The following PANK1 variants were observed in gnomAD, a reference collection of about 807,000 sequenced individuals.
PANK1 encodes pantothenate kinase 1, also known as pantothenic acid kinase 1.
A neutral mutation model predicts 40.1 loss-of-function variants in PANK1; 18 were observed. That is an observed-to-expected ratio of 0.45 (90% CI 0.31 to 0.67). The LOEUF is 0.67. Among genes scored for constraint, PANK1 ranks in the 30% least tolerant of loss-of-function variants. The probability of loss-of-function intolerance (pLI) is 0.06; values close to 1 mark genes in which losing one functional copy is unlikely to be tolerated. For synonymous variants in PANK1, 242 were observed against 237.7 expected (o/e 1.02, Z -0.17); for missense variants, 457 against 599.6 (o/e 0.76, Z 2.48).
rs1844105544 is a variant in PANK1, at chr10:89,583,752, T to C, written c.*654A>G. On this transcript the variant is annotated 3_prime_UTR_variant, in exon 7 of 7. Transcript: ENST00000307534. ...TTTAGATCTTGTGCTTAACTTTGTATTGAGCTGGTCAGCACCTTCATTGAT... is the reference window on the plus strand; with the variant it reads ...TTTAGATCTTGTGCTTAACTTTGTACTGAGCTGGTCAGCACCTTCATTGAT... 6.6e-6 allele frequency: 1 copy of C among 152,190 alleles called. No individual in the cohort carries two copies. Among genetic ancestry groups the C allele is most frequent in the African/African-American group, 2.4e-5 (1 of 41,446 alleles). The allele number at this position is 152,190 out of a possible 1,614,324, so 9.4% of individuals were successfully genotyped here. A position where few individuals can be genotyped will look rare whatever the true frequency, so the allele number is the denominator to read the frequency against.
At chr10:89,608,486 T>G (rs1845048230) in intron 2 of PANK1, among the ~76,000 whole-genome samples, 2 of 152,246 alleles carry the variant, frequency 1.3e-5, no homozygotes, top group Non-Finnish European at 2.9e-5. Flanking sequence ...GTGTCATGGT[T>G]TATAGTTCTT....
At chr10:89,589,457 G>A (rs1844304223) in intron 5 of PANK1, among the ~76,000 whole-genome samples, 1 of 152,046 alleles carries the variant, frequency 6.6e-6, no homozygotes, top group African/African-American at 2.4e-5. Flanking sequence ...TCTAGCTCCA[G>A]TGCACTCGTT....
intron 5 of PANK1, chr10:89,592,757 G>A (rs1367154851): frequency 1.9e-6 from 1 of 535,268 alleles, no homozygotes; most frequent in Non-Finnish European, 3.8e-6. Flanking sequence ...TCTGTGCTTT[G>A]ATAGCCCTGT....
Position 89,644,973 on chromosome 10 carries a change from G to A in PANK1, c.-82C>T, listed in dbSNP as rs749797760. The A allele has an allele frequency of 3.2e-6, 5 of 1,575,552 alleles. No homozygotes were observed. The highest frequency in any genetic ancestry group is 3.6e-5 in the Admixed American group (2 of 55,780). On this transcript the variant is annotated 5_prime_UTR_variant, in exon 1 of 7. Transcript: ENST00000307534. ...CATTCTCCGGCGTCTTTATTTCCCCGGATCCTCCCTGCGGCTTCCGATTCA... is the reference window on the plus strand; with the variant it reads ...CATTCTCCGGCGTCTTTATTTCCCCAGATCCTCCCTGCGGCTTCCGATTCA...
chr10:89,635,899 A>G (rs1389689819), intron 1 of PANK1, among the ~76,000 whole-genome samples: 1 of 152,220 alleles, frequency 6.6e-6, no homozygotes, highest in Non-Finnish European at 1.5e-5. Context: ...AAACAACACT[A>G]AATCTTAAGG....
chr10:89,598,731 A>G (rs1328954134), intron 3 of PANK1, among the ~76,000 whole-genome samples: 1 of 151,798 alleles, frequency 6.6e-6, no homozygotes, highest in Non-Finnish European at 1.5e-5. Flanking sequence ...TGTCTACTCC[A>G]CTCCAAAATT....
intron 1 of PANK1, chr10:89,625,968 G>A (rs1031106413): frequency 6.6e-6 from 1 of 152,104 alleles, no homozygotes; most frequent in Non-Finnish European, 1.5e-5. Context: ...CTTTCCCAAG[G>A]TCCTGAAACC....
At position 89,612,044 on chromosome 10, in the gene PANK1, GAATGC is replaced by G; in HGVS notation, c.293-1_296del. The stretch of plus-strand genomic sequence containing the variant: ...CACCGATGTCCATGCCAAACCATGG[GAATGC>G]TAAAGGACAGAAAGAAAGAGTGCTG... On this transcript the variant is annotated splice_acceptor_variant and coding_sequence_variant, in exon 2 of 7. Transcript: ENST00000307534. LOFTEE classifies it high-confidence loss of function. 6.2e-7 allele frequency: 1 copy of G among 1,611,382 alleles called. No individual in the cohort carries two copies. The highest frequency in any genetic ancestry group is 8.5e-7 in the Non-Finnish European group (1 of 1,178,760).
intron 1 of PANK1, among the ~76,000 whole-genome samples, chr10:89,628,528 G>T (rs967544115): frequency 2.0e-5 from 3 of 149,834 alleles, no homozygotes; most frequent in Non-Finnish European, 4.4e-5. Context: ...GGGGATTGTG[G>T]GGGAAAAAGA....
chr10:89,586,921 G>A (rs1376207048), intron 6 of PANK1, among the ~76,000 whole-genome samples: 1 of 152,208 alleles, frequency 6.6e-6, no homozygotes, highest in Non-Finnish European at 1.5e-5. Context: ...GAGGTCAGGA[G>A]TTCGAGACCA....
chr10:89,625,520 C>G lies in PANK1; in HGVS notation c.293-13472G>C, dbSNP rs927065107. Reference sequence around the variant, plus strand: ...TTCCCTAGATGGGCTCCTCTCTCCCCCTGACTGCCATCTTAAAAGTAAGCA... The same window carrying G: ...TTCCCTAGATGGGCTCCTCTCTCCCGCTGACTGCCATCTTAAAAGTAAGCA... On this transcript the variant is annotated intron_variant, in intron 1 of 6. Coordinates refer to ENST00000307534, the MANE Select transcript of PANK1 (RefSeq NM_148977.3). 3.5e-4 allele frequency among the ~76,000 whole-genome samples: 53 copies of G among 152,248 alleles called. 1 individual carries two copies. Among genetic ancestry groups the G allele is most frequent in the African/African-American group, 1.1e-3 (47 of 41,532 alleles).
chr10:89,634,552 C>T (rs1841748123), intron 1 of PANK1, among the ~76,000 whole-genome samples: 1 of 152,074 alleles, frequency 6.6e-6, no homozygotes, highest in Non-Finnish European at 1.5e-5. Context: ...TTTTTCAATT[C>T]TTGGAGAATG....
At chr10:89,620,028 A>T (rs1218925272) in intron 1 of PANK1, among the ~76,000 whole-genome samples, 1 of 152,106 alleles carries the variant, frequency 6.6e-6, no homozygotes, top group Non-Finnish European at 1.5e-5. Flanking sequence ...GATTTCATGG[A>T]CATTTATCAC....
At position 89,611,856 on chromosome 10, in the gene PANK1, G is replaced by T. The variant is rs965806398; in HGVS notation, c.485C>A (p.Thr162Asn). ...RDVHLELKNLTMCGRKGNLHF... is the reference protein window; with the variant it reads ...RDVHLELKNLNMCGRKGNLHF... ...CAGGTTCCCTTTGCGTCCACACATG[G>T]TCAGGTTTTTCAGTTCCAGGTGGAC... is the stretch of plus-strand genomic sequence containing the variant. The change falls in exon 2 of 7, where the codon ACC (threonine) becomes AAC (asparagine). Residue 162 changes from threonine (T) to asparagine (N), a missense_variant. Thr to Asn is a moderately conservative substitution (Grantham distance 65). Around this residue, in one of 4 missense-constraint regions of PANK1, gnomAD observed 286 missense variants for 415.8 expected, o/e 0.69. Coordinates refer to ENST00000307534, the MANE Select transcript of PANK1 (RefSeq NM_148977.3). 1 of 1,614,208 alleles carries T rather than the reference G, an allele frequency of 6.2e-7. No individual in the cohort carries two copies. The highest frequency in any genetic ancestry group is 1.3e-5 in the African/African-American group (1 of 75,042).
At position 89,599,455 on chromosome 10, in the gene PANK1, C is replaced by G. The variant is rs745442081; in HGVS notation, c.696G>C (p.Gln232His). Residue 232 changes from glutamine (Q) to histidine (H), a missense_variant, in exon 3 of 7, where the codon CAG becomes CAC. Physicochemically the swap from Gln to His is conservative, Grantham distance 24. Around this residue, in one of 4 missense-constraint regions of PANK1, gnomAD observed 286 missense variants for 415.8 expected, o/e 0.69. Transcript: ENST00000307534. Reference protein sequence around the residue: ...HKLDELDCLIQGLLYVDSVGF... With the variant: ...HKLDELDCLIHGLLYVDSVGF... ...CAACAGAGTCGACATAAAGCAGGCCCTGAATCAGACAGTCCAGTTCATCCA... is the reference window on the plus strand; with the variant it reads ...CAACAGAGTCGACATAAAGCAGGCCGTGAATCAGACAGTCCAGTTCATCCA... 1 of 1,613,830 alleles carries G rather than the reference C, an allele frequency of 6.2e-7. No homozygotes were observed. The highest frequency in any genetic ancestry group is 8.5e-7 in the Non-Finnish European group (1 of 1,179,724).
At chr10:89,595,880 A>C (rs1564620256) in intron 3 of PANK1, among the ~76,000 whole-genome samples, 1 of 118,298 alleles carries the variant, frequency 8.5e-6, no homozygotes. Context: ...ATATAACTTC[A>C]TTTACTAATA....
intron 2 of PANK1, among the ~76,000 whole-genome samples, chr10:89,606,849 T>C (rs1564625220): frequency 7.2e-5 from 11 of 152,206 alleles, no homozygotes; most frequent in Admixed American, 5.9e-4. Context: ...CTTCTGCAGC[T>C]TCCTCCCCTC....
intron 5 of PANK1, among the ~76,000 whole-genome samples, chr10:89,590,384 C>T (rs1191842304): frequency 6.6e-6 from 1 of 151,188 alleles, no homozygotes; most frequent in Non-Finnish European, 1.5e-5. Flanking sequence ...TAACCTATTA[C>T]ATTGAAAAAA....
chr10:89,599,202 G>C lies in PANK1; in HGVS notation c.899+50C>G, dbSNP rs770683909. ...TATAAATAACCTTTTACTATAAACT[G>C]GTCATCAAGAAAGAGGTCTGGGTTC... On this transcript the variant is annotated intron_variant, in intron 3 of 6. Transcript: ENST00000307534. The C allele has an allele frequency of 2.1e-5, 32 of 1,540,234 alleles. No individual in the cohort carries two copies. In the South Asian group the frequency reaches 3.4e-4, roughly 16 times the overall value.
Sources: allele counts gnomAD v4.1 joint callset (sites outside exome capture counted in the v4.1 genomes callset), GRCh38; gene constraint gnomAD v4.1.1; regional missense constraint gnomAD v4.1.1; transcripts MANE v1.5; gene names NCBI Gene and HGNC (gene_info 2026-07-23, HGNC 2026-07-21).